OGT: variants seen among roughly 807,000 people sequenced by gnomAD.
OGT encodes UDP-N-acetylglucosamine--peptide N-acetylglucosaminyltransferase 110 kDa subunit.
In OGT, 3 loss-of-function variants were observed where a neutral mutation model predicts 75.8. That is an observed-to-expected ratio of 0.04 (90% CI 0.02 to 0.10). OGT has a LOEUF of 0.10. OGT is among the 10% of genes least tolerant of loss of function. The pLI, the probability that OGT is intolerant of heterozygous loss-of-function variation, is 1.00. For synonymous variants in OGT, 257 were observed against 289.7 expected (o/e 0.89, Z 1.15); for missense variants, 260 against 824.4 (o/e 0.32, Z 8.38).
intron 19 of OGT, among the ~76,000 whole-genome samples, chrX:71,566,056 A>G (rs1447875364): frequency 8.9e-6 from 1 of 112,525 alleles, no homozygotes; most frequent in Non-Finnish European, 1.9e-5. Context: ...GAACTAAAAT[A>G]AAATGGCATG....
chrX:71,548,376 G>A (rs779353348), intron 5 of OGT, among the ~76,000 whole-genome samples: 1 of 111,395 alleles, frequency 9.0e-6, no homozygotes, highest in Admixed American at 9.6e-5. Context: ...GTTTGAGGCT[G>A]CAGTGAGCTG....
chrX:71,572,563 T>G (rs960726276), intron 21 of OGT, among the ~76,000 whole-genome samples: 1 of 110,719 alleles, frequency 9.0e-6, no homozygotes, highest in Non-Finnish European at 1.9e-5. Context: ...AGCCCAGGAG[T>G]TCGAGACCAG....
intron 15 of OGT, among the ~76,000 whole-genome samples, chrX:71,562,221 T>C (rs1335400628): frequency 3.5e-5 from 4 of 112,723 alleles, no homozygotes; most frequent in Non-Finnish European, 7.5e-5. Flanking sequence ...CCCAGCACTT[T>C]GGGATGCTTA....
At chrX:71,534,085 A>G (rs1231385653) in intron 1 of OGT, among the ~76,000 whole-genome samples, 1 of 110,387 alleles carries the variant, frequency 9.1e-6, no homozygotes, top group African/African-American at 3.3e-5. Flanking sequence ...CGAGGTTGCC[A>G]GCCCTGTTCA....
intron 7 of OGT, chrX:71,555,731 A>T: frequency 2.3e-6 from 1 of 433,891 alleles, no homozygotes; most frequent in Non-Finnish European, 3.8e-6. Context: ...TCTCAAAAAA[A>T]TCACAAAAAC....
rs185338271 is a variant in OGT, at chrX:71,560,739, G to A, written c.1852-1036G>A. On this transcript the variant is annotated intron_variant, in intron 14 of 21. Transcript: ENST00000373719. ...ACCTGGCCATTTTTGATACACAGTT[G>A]GACTCTTTGTGACCAAGAAGCATAC... is the stretch of plus-strand genomic sequence containing the variant. Among the ~76,000 whole-genome samples, 68 of 111,245 alleles carry A rather than the reference G, an allele frequency of 6.1e-4. 1 individual carries two copies. The highest frequency in any genetic ancestry group is 1.9e-4 in the Admixed American group (2 of 10,451).
At chrX:71,547,016 T>G in intron 4 of OGT, 9 of 754,857 alleles carry the variant, frequency 1.2e-5, no homozygotes, top group Non-Finnish European at 1.4e-5. Context: ...GTTTGCTGCG[T>G]CTAGGGGTGT....
At chrX:71,561,068 C>T (rs905952859) in intron 14 of OGT, among the ~76,000 whole-genome samples, 8 of 109,741 alleles carry the variant, frequency 7.3e-5, no homozygotes, top group African/African-American at 2.7e-4. Context: ...GCTGGGATTA[C>T]AGGCGCCTGC....
chrX:71,567,479 T>C, intron 19 of OGT, 21 bp from the exon 20 acceptor site: 1 of 1,112,107 alleles, frequency 9.0e-7, no homozygotes, highest in Non-Finnish European at 1.2e-6. Flanking sequence ...TTAATAATTA[T>C]TCTTATTTTC....
intron 5 of OGT, among the ~76,000 whole-genome samples, chrX:71,548,449 T>A (rs1013915603): frequency 9.0e-6 from 1 of 110,633 alleles, no homozygotes; most frequent in Non-Finnish European, 1.9e-5. Context: ...GATTAAAAAA[T>A]AAAAAGGTAC....
intron 21 of OGT, among the ~76,000 whole-genome samples, chrX:71,572,508 C>G (rs187250607): frequency 8.9e-6 from 1 of 112,519 alleles, no homozygotes; most frequent in Admixed American, 9.4e-5. Context: ...TGGCGCATGC[C>G]TATAATCCCG....
In OGT at chrX:71,559,568, T is replaced by C; in HGVS notation, c.1762-20T>C. 1 of 1,187,440 alleles carries C rather than the reference T, an allele frequency of 8.4e-7. No homozygotes were observed. The highest frequency in any genetic ancestry group is 1.1e-6 in the Non-Finnish European group (1 of 877,157). On this transcript the variant is annotated intron_variant, in intron 13 of 21. Coordinates refer to ENST00000373719, the MANE Select transcript of OGT (RefSeq NM_181672.3). ...AGATTTGAGCCAATGTTATTAAATA[T>C]GCCATGTGCTGCCTTTCAGGTGTTC...
rs73544862 is a variant in OGT at position 71,558,319 on chromosome X, A to G, written c.1602+647A>G. On this transcript the variant is annotated intron_variant, in intron 12 of 21. Transcript: ENST00000373719. ...TTGAGAATTAGAGCAGTACTTGATC[A>G]AGGATTGGATCAAAGGTTGGATAAT... 5.9e-3 allele frequency among the ~76,000 whole-genome samples: 649 copies of G among 109,694 alleles called. 8 individuals are homozygous for G. The highest frequency in any genetic ancestry group is 0.02 in the African/African-American group (615 of 30,138).
At chrX:71,546,730 T>C (rs923296296) in intron 4 of OGT, 21 of 753,733 alleles carry the variant, frequency 2.8e-5, no homozygotes, top group Non-Finnish European at 3.3e-5. Context: ...TTTTTTCCTT[T>C]TTTCTTCTTT....
At chrX:71,570,073 C>G (rs2040446492) in intron 21 of OGT, among the ~76,000 whole-genome samples, 1 of 72,695 alleles carries the variant, frequency 1.4e-5, no homozygotes, top group African/African-American at 5.5e-5. Flanking sequence ...GACAGCCTCG[C>G]ACTGTTGCCC....
Position 71,549,918 on chromosome X carries a change from T to C in OGT, c.648+1895T>C, listed in dbSNP as rs373059929. Among the ~76,000 whole-genome samples, 7 of 112,137 alleles carry C rather than the reference T, an allele frequency of 6.2e-5. No homozygotes were observed. In the East Asian group the frequency reaches 1.9e-3, roughly 31 times the overall value. The stretch of plus-strand genomic sequence containing the variant: ...CAGAAAGCAAGGAAGCTTTGACATA[T>C]TACTTTGCATCAAAAGGACTCAGGA... On this transcript the variant is annotated intron_variant, in intron 5 of 21. Coordinates refer to ENST00000373719, the MANE Select transcript of OGT (RefSeq NM_181672.3).
At chrX:71,537,284 A>G (rs1246552528) in intron 2 of OGT, among the ~76,000 whole-genome samples, 1 of 109,541 alleles carries the variant, frequency 9.1e-6, no homozygotes, top group African/African-American at 3.3e-5. Context: ...GTAGTTTTGT[A>G]ACAAGACTCT....
In OGT at chrX:71,554,495, C is replaced by A. The variant is rs781352623; in HGVS notation, c.649-18C>A. On this transcript the variant is annotated intron_variant, in intron 5 of 21. Transcript: ENST00000373719. The stretch of plus-strand genomic sequence containing the variant: ...ATCCTAACTTGCTCTGAGTAACTAA[C>A]TGTCTTGAAATTTTTAGGCTGTCAC... 8.6e-7 allele frequency: 1 copy of A among 1,160,511 alleles called. No individual in the cohort carries two copies. Among genetic ancestry groups the A allele is most frequent in the South Asian group, 1.8e-5 (1 of 54,903 alleles).
rs1302725219 is a variant in OGT at position 71,574,265 on chromosome X, TC to T, written c.*474del. On this transcript the variant is annotated 3_prime_UTR_variant, in exon 22 of 22. Transcript: ENST00000373719. ...ATAAGGTTTTAAGCTAAAATGTTAC[TC>T]CCTGTTTTAGTTTCTGAACTCTGAC... The T allele has an allele frequency of 8.9e-6, 1 of 112,426 alleles. No individual in the cohort carries two copies. Among genetic ancestry groups the T allele is most frequent in the African/African-American group, 3.2e-5 (1 of 30,791 alleles). The allele number at this position is 112,426 out of a possible 1,213,427, so 9.3% of individuals were successfully genotyped here. A position where few individuals can be genotyped will look rare whatever the true frequency, so the allele number is the denominator to read the frequency against.
Sources: allele counts gnomAD v4.1 joint callset (sites outside exome capture counted in the v4.1 genomes callset), GRCh38; gene constraint gnomAD v4.1.1; transcripts MANE v1.5; gene names NCBI Gene and HGNC (gene_info 2026-07-23, HGNC 2026-07-21).